The following ASIC2 variants were observed in gnomAD, a reference collection of about 807,000 sequenced individuals.
The protein encoded by ASIC2 is acid-sensing ion channel 2.
Under a neutral mutation model 57.3 loss-of-function variants are expected in ASIC2, and 25 were observed. The observed-to-expected ratio is 0.44, with a 90% CI of 0.32 to 0.61. The LOEUF is 0.61. Among genes scored for constraint, ASIC2 ranks in the 20% least tolerant of loss-of-function variants. ASIC2 has a pLI of 0.06. For synonymous variants in ASIC2, 319 were observed against 307.5 expected (o/e 1.04, Z -0.39); for missense variants, 641 against 738.1 (o/e 0.87, Z 1.52).
chr17:33,706,504 A>G (rs1019784095), intron 1 of ASIC2, among the ~76,000 whole-genome samples: 1 of 152,064 alleles, frequency 6.6e-6, no homozygotes, highest in Non-Finnish European at 1.5e-5. Context: ...GATTACAAGT[A>G]TCAGCCACCG....
intron 1 of ASIC2, among the ~76,000 whole-genome samples, chr17:33,500,257 G>A (rs1057005009): frequency 2.6e-5 from 4 of 152,032 alleles, no homozygotes; most frequent in African/African-American, 9.7e-5. Context: ...ACGTGTGACA[G>A]CAGCATAGCA....
intron 1 of ASIC2, among the ~76,000 whole-genome samples, chr17:33,629,526 A>C (rs1906094550): frequency 6.6e-6 from 1 of 152,186 alleles, no homozygotes; most frequent in Admixed American, 6.5e-5. Context: ...TGGTTGCGTT[A>C]ATACAAGTAT....
chr17:33,490,638 T>G (rs1456655858), intron 1 of ASIC2, among the ~76,000 whole-genome samples: 1 of 152,208 alleles, frequency 6.6e-6, no homozygotes, highest in African/African-American at 2.4e-5. Flanking sequence ...GATGTGACTT[T>G]GCTTCTCTTT....
At chr17:33,207,710 C>G (rs1907117475) in intron 1 of ASIC2, among the ~76,000 whole-genome samples, 1 of 152,208 alleles carries the variant, frequency 6.6e-6, no homozygotes, top group Non-Finnish European at 1.5e-5. Context: ...TCCAAGGGCT[C>G]TCTCTGACAG....
At chr17:33,342,327 TGTGTGTGTAC>T (rs1305737681) in intron 1 of ASIC2, among the ~76,000 whole-genome samples, 3 of 148,720 alleles carry the variant, frequency 2.0e-5, no homozygotes, top group African/African-American at 7.5e-5. Flanking sequence ...TGTGTACATG[TGTGTGTGTAC>T]GTGTGTGTGT....
chr17:33,566,894 C>T (rs1408938561), intron 1 of ASIC2, among the ~76,000 whole-genome samples: 2 of 152,082 alleles, frequency 1.3e-5, no homozygotes, highest in African/African-American at 4.8e-5. Context: ...ATGCCACATC[C>T]TTCCATATCT....
intron 1 of ASIC2, among the ~76,000 whole-genome samples, chr17:34,104,324 C>T (rs895813359): frequency 5.2e-4 from 79 of 151,930 alleles, no homozygotes; most frequent in African/African-American, 1.8e-3. Context: ...TTATGTAAAT[C>T]GTTCTAGGAG....
At chr17:33,915,164 T>C (rs555075023) in intron 1 of ASIC2, among the ~76,000 whole-genome samples, 1 of 152,302 alleles carries the variant, frequency 6.6e-6, no homozygotes, top group African/African-American at 2.4e-5. Flanking sequence ...GGATTATTGG[T>C]GACAAGACCA....
intron 2 of ASIC2, among the ~76,000 whole-genome samples, chr17:33,107,729 C>T (rs1193039288): frequency 2.0e-5 from 3 of 152,236 alleles, no homozygotes; most frequent in Non-Finnish European, 4.4e-5. Flanking sequence ...TGTTAACTTA[C>T]TCCTTGGTGT....
At chr17:33,931,602 C>T (rs184354000) in intron 1 of ASIC2, among the ~76,000 whole-genome samples, 2 of 152,212 alleles carry the variant, frequency 1.3e-5, no homozygotes, top group East Asian at 1.9e-4. Flanking sequence ...CAAAGCACAG[C>T]GCTTCTCCAC....
chr17:34,126,951 T>A (rs1911802048), intron 1 of ASIC2, among the ~76,000 whole-genome samples: 1 of 152,102 alleles, frequency 6.6e-6, no homozygotes, highest in Admixed American at 6.5e-5. Context: ...AGCACAAGCC[T>A]CTTCCCAGAT....
At chr17:33,693,909 A>G (rs1908449903) in intron 1 of ASIC2, among the ~76,000 whole-genome samples, 1 of 152,196 alleles carries the variant, frequency 6.6e-6, no homozygotes, top group Non-Finnish European at 1.5e-5. Context: ...TTTTAGTTCT[A>G]GTGTCACGAC....
chr17:33,888,735 C>T (rs1040211111), intron 1 of ASIC2, among the ~76,000 whole-genome samples: 1 of 152,044 alleles, frequency 6.6e-6, no homozygotes, highest in Non-Finnish European at 1.5e-5. Flanking sequence ...AATTAACCTC[C>T]CTGAACTGCA....
intron 1 of ASIC2, among the ~76,000 whole-genome samples, chr17:33,706,425 C>A (rs767236349): frequency 6.6e-6 from 1 of 151,272 alleles, no homozygotes; most frequent in African/African-American, 2.4e-5. Flanking sequence ...GGTTTCACGA[C>A]GTTTTCCAGG....
chr17:33,556,817 T>A (rs186452076), intron 1 of ASIC2, among the ~76,000 whole-genome samples: 106 of 152,340 alleles, frequency 7.0e-4, no homozygotes, highest in African/African-American at 2.4e-3. Context: ...AAGCCATTGA[T>A]CCTCTCAGCA....
At chr17:33,112,302 A>G (rs2092261754) in intron 1 of ASIC2, 2 of 534,390 alleles carry the variant, frequency 3.7e-6, no homozygotes, top group Non-Finnish European at 3.3e-6. Context: ...TTGCAGTAGG[A>G]TCTGGTCTCT....
chr17:33,682,206 C>T (rs1274970344), intron 1 of ASIC2, among the ~76,000 whole-genome samples: 5 of 151,536 alleles, frequency 3.3e-5, no homozygotes, highest in African/African-American at 4.9e-5. Context: ...ACTACAGGTG[C>T]CCGCCACCAT....
At chr17:33,904,874 C>T (rs1290334662) in intron 1 of ASIC2, among the ~76,000 whole-genome samples, 1 of 152,188 alleles carries the variant, frequency 6.6e-6, no homozygotes, top group Non-Finnish European at 1.5e-5. Flanking sequence ...ACTCTTCTTG[C>T]GAGCAGGCTT....
In ASIC2 at chr17:33,501,910, G is replaced by A. The variant is rs543423596; in HGVS notation, c.556-389843C>T. Among the ~76,000 whole-genome samples, 5 of 152,334 alleles carry A rather than the reference G, an allele frequency of 3.3e-5. No homozygotes were observed. In the East Asian group the frequency reaches 7.7e-4, roughly 24 times the overall value. On this transcript the variant is annotated intron_variant, in intron 1 of 9. Transcript: ENST00000359872. Reference sequence around the variant, plus strand: ...AGGTAGGGCAGGAGTGGAGAGCAGGGAGGAGGCTTGGAGGCCTTAGAGGGC... The same window carrying A: ...AGGTAGGGCAGGAGTGGAGAGCAGGAAGGAGGCTTGGAGGCCTTAGAGGGC...
Sources: allele counts gnomAD v4.1 joint callset (sites outside exome capture counted in the v4.1 genomes callset), GRCh38; gene constraint gnomAD v4.1.1; transcripts MANE v1.5; gene names NCBI Gene and HGNC (gene_info 2026-07-23, HGNC 2026-07-21).